The following COL5A1 variants were observed in gnomAD, a reference collection of about 807,000 sequenced individuals.
The protein encoded by COL5A1 is collagen alpha-1(V) chain.
COL5A1 carries 16 observed loss-of-function variants against 263.7 expected under a neutral mutation model. The ratio of observed to expected loss-of-function variants is 0.06; its 90% CI spans 0.04 to 0.09. COL5A1 has a LOEUF of 0.09. COL5A1 is among the 10% of genes least tolerant of loss of function. The pLI is 1.00. For missense variants in COL5A1, 2,036 were observed against 2,540.5 expected (o/e 0.80, Z 4.27); for synonymous variants, 1,012 against 1,004.5 (o/e 1.01, Z -0.14).
At chr9:134,775,406 G>C (rs371001022) in intron 27 of COL5A1, among the ~76,000 whole-genome samples, 2 of 152,384 alleles carry the variant, frequency 1.3e-5, no homozygotes, top group African/African-American at 2.4e-5. Flanking sequence ...GGCCAGCGCT[G>C]TCGCAAGGCG....
Position 134,696,148 on chromosome 9 carries a change from C to T in COL5A1, c.278-3761C>T, listed in dbSNP as rs566632129. ...CTGACCTCTTTCTGCCACCCTGCCC[C>T]ACTGCCCCCTGCATTATTTGCAATT... is the stretch of plus-strand genomic sequence containing the variant. On this transcript the variant is annotated intron_variant, in intron 2 of 65. Transcript: ENST00000371817. This position sits in a 1 kb window ranked among gnomAD's most constrained non-coding sequence, Gnocchi z 4.3. Among the ~76,000 whole-genome samples, 2 of 152,110 alleles carry T rather than the reference C, an allele frequency of 1.3e-5. No individual in the cohort carries two copies. Among genetic ancestry groups the T allele is most frequent in the Non-Finnish European group, 2.9e-5 (2 of 68,024 alleles).
In COL5A1 at chr9:134,750,550, T is replaced by A. The variant is rs747758200; in HGVS notation, c.1503T>A (p.Pro501=). The A allele has an allele frequency of 6.2e-7, 1 of 1,613,494 alleles. No homozygotes were observed. The highest frequency in any genetic ancestry group is 8.5e-7 in the Non-Finnish European group (1 of 1,180,012). ...QVGDPGERGP[P]GRPGLPGADG... is the part of the protein sequence containing the mutation. ...TGGCCCCTTGTCTTCAGGGCCCCCC[T>A]GGACGCCCAGGCCTTCCTGGGGCCG... Residue 501 remains proline (P), a synonymous_variant, in exon 12 of 66, where the codon CCT becomes CCA. Transcript: ENST00000371817.
At chr9:134,809,128 G>A (rs1838413752) in intron 42 of COL5A1, 55 bp from the exon 43 acceptor site, 1 of 1,409,070 alleles carries the variant, frequency 7.1e-7, no homozygotes, top group Non-Finnish European at 9.8e-7. Flanking sequence ...GAGCTGGTGG[G>A]GGGATGTTCC....
chr9:134,707,352 C>T (rs998188404), intron 4 of COL5A1, among the ~76,000 whole-genome samples: 3 of 152,234 alleles, frequency 2.0e-5, no homozygotes, highest in Admixed American at 2.0e-4. Context: ...TAACGGTCCT[C>T]CATCTGTCTG....
At position 134,758,304 on chromosome 9, in the gene COL5A1, T is replaced by G. The variant is rs79195626; in HGVS notation, c.1935+8T>G. 6,557 of 1,613,524 alleles carry G rather than the reference T, an allele frequency of 4.1e-3. 251 individuals carry two copies. The African/African-American group carries it at 0.076, about 19-fold the overall frequency. Reference sequence around the variant, plus strand: ...GGCGAGAAGGGCCACAGGGTGAGTATTTCCTCTGTGAGACACAGGCATGAC... The same window carrying G: ...GGCGAGAAGGGCCACAGGGTGAGTAGTTCCTCTGTGAGACACAGGCATGAC... On this transcript the variant is annotated splice_region_variant and intron_variant, in intron 18 of 65. Coordinates refer to ENST00000371817, the MANE Select transcript of COL5A1 (RefSeq NM_000093.5). The surrounding 1 kb of genome is among the most constrained non-coding windows in gnomAD (Gnocchi z 4.1).
chr9:134,785,345 C>A (rs1425766334), intron 30 of COL5A1, among the ~76,000 whole-genome samples: 3 of 152,222 alleles, frequency 2.0e-5, no homozygotes, highest in South Asian at 4.1e-4. Flanking sequence ...GCTCCTTCCT[C>A]CCGGTGGCTA....
In COL5A1 at chr9:134,700,101, G is replaced by T; in HGVS notation, c.470G>T (p.Gly157Val). Reference protein sequence around the residue: ...PGPEDYPLFRGINLSDGKWHR... With the variant: ...PGPEDYPLFRVINLSDGKWHR... ...CCGGAAGACTACCCCCTCTTCCGGG[G>T]CATCAACCTGTCAGATGGCAAGTAA... Residue 157 changes from glycine (G) to valine (V), a missense_variant, in exon 3 of 66, where the codon GGC (glycine) becomes GTC (valine). Transcript: ENST00000371817. The surrounding 1 kb of genome is among the most constrained non-coding windows in gnomAD (Gnocchi z 4.0). 1 of 1,607,226 alleles carries T rather than the reference G, an allele frequency of 6.2e-7. No individual in the cohort carries two copies. The highest frequency in any genetic ancestry group is 8.5e-7 in the Non-Finnish European group (1 of 1,179,976).
chr9:134,754,285 G>T lies in COL5A1; in HGVS notation c.1786G>T (p.Val596Leu). The T allele has an allele frequency of 2.5e-6, 4 of 1,614,008 alleles. No homozygotes were observed. In the South Asian group the frequency reaches 4.4e-5, roughly 18 times the overall value. The change falls in exon 16 of 66, where the codon GTG (valine) becomes TTG (leucine). Residue 596 changes from valine (V) to leucine (L), a missense_variant. Physicochemically the swap from Val to Leu is conservative, Grantham distance 32 (BLOSUM62 1). Around this residue, in one of 3 missense-constraint regions of COL5A1, gnomAD observed 1,078 missense variants for 1,521.4 expected, o/e 0.71. Coordinates refer to ENST00000371817, the MANE Select transcript of COL5A1 (RefSeq NM_000093.5). This position sits in a 1 kb window ranked among gnomAD's most constrained non-coding sequence, Gnocchi z 4.3. ...TTACCCCTGGCAGGGTCCTCGAGGT[G>T]TGCAAGGCCCGCCTGGTCCGGCCGG... is the stretch of plus-strand genomic sequence containing the variant. Reference protein sequence around the residue: ...GDVGPQGPRGVQGPPGPAGKP... With the variant: ...GDVGPQGPRGLQGPPGPAGKP...
At chr9:134,673,165 G>A (rs937884077) in intron 1 of COL5A1, among the ~76,000 whole-genome samples, 1 of 152,146 alleles carries the variant, frequency 6.6e-6, no homozygotes, top group African/African-American at 2.4e-5. Flanking sequence ...TTGATAAGAT[G>A]ATTCTGAAAT....
intron 64 of COL5A1, chr9:134,830,480 C>T: frequency 2.0e-6 from 1 of 497,558 alleles, no homozygotes; most frequent in East Asian, 3.5e-5. Context: ...CAGCCCCAGG[C>T]ACCTGAGCAC....
At chr9:134,649,982 C>T (rs187611820) in intron 1 of COL5A1, among the ~76,000 whole-genome samples, 31 of 125,692 alleles carry the variant, frequency 2.5e-4, no homozygotes, top group Non-Finnish European at 3.8e-4. Context: ...GGGAGTTGAA[C>T]AATGAGAACA....
intron 1 of COL5A1, among the ~76,000 whole-genome samples, chr9:134,657,724 AGTTTCC>A (rs1832064569): frequency 6.9e-6 from 1 of 144,526 alleles, no homozygotes; most frequent in Non-Finnish European, 1.5e-5. Flanking sequence ...TCTCCAGATG[AGTTTCC>A]TTTGCCCGGG....
chr9:134,703,571 G>C (rs981837759), intron 4 of COL5A1, among the ~76,000 whole-genome samples: 3 of 150,370 alleles, frequency 2.0e-5, no homozygotes, highest in Non-Finnish European at 3.0e-5. Flanking sequence ...ACCGCTGCCT[G>C]TTGTTCTGTG....
In COL5A1 at chr9:134,647,497, G is replaced by A. The variant is rs896236565; in HGVS notation, c.109+5201G>A. On this transcript the variant is annotated intron_variant, in intron 1 of 65. Coordinates refer to ENST00000371817, the MANE Select transcript of COL5A1 (RefSeq NM_000093.5). The surrounding 1 kb of genome is among the most constrained non-coding windows in gnomAD (Gnocchi z 5.0). Reference sequence around the variant, plus strand: ...TGTGTGTTTGAGTGTGCACGCATGCGCATCCTTGCACATGTACCTGCGTTC... The same window carrying A: ...TGTGTGTTTGAGTGTGCACGCATGCACATCCTTGCACATGTACCTGCGTTC... 3.3e-5 allele frequency among the ~76,000 whole-genome samples: 5 copies of A among 152,196 alleles called. No homozygotes were observed. The highest frequency in any genetic ancestry group is 6.5e-5 in the Admixed American group (1 of 15,286).
intron 19 of COL5A1, among the ~76,000 whole-genome samples, chr9:134,762,400 T>TG (rs1262520838): frequency 6.6e-6 from 1 of 151,816 alleles, no homozygotes; most frequent in Admixed American, 6.6e-5. Context: ...CAGAAGAGGG[T>TG]GGGGGGATTG....
In COL5A1 at chr9:134,802,893, C is replaced by T. The variant is rs1182223551; in HGVS notation, c.3012C>T (p.Pro1004=). Residue 1004 remains proline, a synonymous_variant, in exon 39 of 66, where the codon CCC becomes CCT. Coordinates refer to ENST00000371817, the MANE Select transcript of COL5A1 (RefSeq NM_000093.5). Reference sequence around the variant, plus strand: ...GACACTGATTTTCCCCACAGGGTCCCACGGGAGAAACGGGCCCAATGGGTG... The same window carrying T: ...GACACTGATTTTCCCCACAGGGTCCTACGGGAGAAACGGGCCCAATGGGTG... ...GPPGVVGPQG[P]TGETGPMGER... is the part of the protein sequence containing the mutation. 1 of 1,611,760 alleles carries T rather than the reference C, an allele frequency of 6.2e-7. No individual in the cohort carries two copies. Among genetic ancestry groups the T allele is most frequent in the Non-Finnish European group, 8.5e-7 (1 of 1,179,154 alleles).
Position 134,761,920 on chromosome 9 carries a change from C to T in COL5A1, c.1936-5C>T. 6.2e-7 allele frequency: 1 copy of T among 1,613,232 alleles called. No individual in the cohort carries two copies. Among genetic ancestry groups the T allele is most frequent in the Non-Finnish European group, 8.5e-7 (1 of 1,179,814 alleles). On this transcript the variant is annotated splice_polypyrimidine_tract_variant and splice_region_variant and intron_variant, in intron 18 of 65. Transcript: ENST00000371817. ...GAGGCTGACGTTGACCCTTTCACTT[C>T]CTAGGGTGACCCTGGTCCTTCCGGC...
chr9:134,790,974 G>A (rs574295632), intron 32 of COL5A1, among the ~76,000 whole-genome samples: 1 of 152,248 alleles, frequency 6.6e-6, no homozygotes, highest in African/African-American at 2.4e-5. Context: ...ACCTCGTGGA[G>A]CAACTGGAGC....
intron 1 of COL5A1, among the ~76,000 whole-genome samples, chr9:134,674,880 C>CA (rs143702384): frequency 0.07 from 10,565 of 150,894 alleles, 462 homozygotes; most frequent in Non-Finnish European, 0.095. Context: ...GACTCCATCT[C>CA]AAAAAAAAGA....
Sources: allele counts gnomAD v4.1 joint callset (sites outside exome capture counted in the v4.1 genomes callset), GRCh38; gene constraint gnomAD v4.1.1; regional missense constraint gnomAD v4.1.1; non-coding constraint Gnocchi (gnomAD v3.1); transcripts MANE v1.5; gene names NCBI Gene and HGNC (gene_info 2026-07-23, HGNC 2026-07-21).